The following CBLN2 variants were observed in gnomAD, a reference collection of about 807,000 sequenced individuals.
The protein encoded by CBLN2 is cerebellin-2.
Under a neutral mutation model 15.0 loss-of-function variants are expected in CBLN2, and 7 were observed. The observed-to-expected ratio is 0.47, with a 90% CI of 0.27 to 0.88. The LOEUF is 0.88. CBLN2 is among the 40% of genes least tolerant of loss of function. The pLI, the probability that CBLN2 is intolerant of heterozygous loss-of-function variation, is 0.14. For missense variants in CBLN2, 242 were observed against 304.5 expected (o/e 0.79, Z 1.53); for synonymous variants, 149 against 135.2 (o/e 1.10, Z -0.71).
intron 1 of CBLN2, among the ~76,000 whole-genome samples, chr18:72,561,498 T>C (rs1022334383): frequency 1.3e-5 from 2 of 152,172 alleles, no homozygotes; most frequent in Non-Finnish European, 2.9e-5. Context: ...TCCCCTCCAA[T>C]TGAATATAGC....
chr18:72,596,316 T>C (rs1208059245), intron 1 of CBLN2, among the ~76,000 whole-genome samples: 4 of 152,164 alleles, frequency 2.6e-5, no homozygotes, highest in Admixed American at 2.6e-4. Context: ...AAAAAATTAA[T>C]AAAAACATCA....
chr18:72,594,873 G>A (rs771358450), intron 1 of CBLN2, among the ~76,000 whole-genome samples: 17 of 151,876 alleles, frequency 1.1e-4, no homozygotes, highest in Non-Finnish European at 2.1e-4. Flanking sequence ...CAGTTGTAAT[G>A]TCTCCTTTAT....
chr18:72,597,589 G>A (rs1169066893), intron 1 of CBLN2, among the ~76,000 whole-genome samples: 1 of 152,190 alleles, frequency 6.6e-6, no homozygotes, highest in African/African-American at 2.4e-5. Flanking sequence ...ATAATCAGCA[G>A]GTGGTGAATC....
chr18:72,603,708 G>A (rs1251663446), intron 1 of CBLN2, among the ~76,000 whole-genome samples: 1 of 152,100 alleles, frequency 6.6e-6, no homozygotes, highest in Admixed American at 6.5e-5. Context: ...AATGTTTAAG[G>A]AGCTCAACGT....
intron 1 of CBLN2, among the ~76,000 whole-genome samples, chr18:72,629,093 C>T (rs1361707030): frequency 6.6e-6 from 1 of 152,116 alleles, no homozygotes; most frequent in Non-Finnish European, 1.5e-5. Context: ...CTGTTCCAGT[C>T]CCAGACAAAG....
rs73478206 is a variant in CBLN2, at chr18:72,538,203, G to A, written c.648C>T (p.Phe216=). The A allele has an allele frequency of 3.7e-4, 604 of 1,614,106 alleles. 2 individuals are homozygous for A. In the African/African-American group the frequency reaches 7.2e-3, roughly 19 times the overall value. The change falls in exon 5 of 5, where the codon TTC becomes TTT. Residue 216 remains phenylalanine (F), a synonymous_variant. Transcript: ENST00000269503. ...NLMGGWKYST[F]SGFLVFPL is the part of the protein sequence containing the mutation. ...ATAGAGGAAACACCAAGAAGCCCGA[G>A]AATGTGGAGTATTTCCAGCCCCCCA...
chr18:72,616,909 G>T (rs2069666371), intron 1 of CBLN2, among the ~76,000 whole-genome samples: 1 of 152,012 alleles, frequency 6.6e-6, no homozygotes, highest in South Asian at 2.1e-4. Context: ...ATCTCTTATG[G>T]TATGTATGCA....
chr18:72,585,143 C>G (rs565619034), intron 1 of CBLN2, among the ~76,000 whole-genome samples: 52 of 152,338 alleles, frequency 3.4e-4, no homozygotes, highest in African/African-American at 1.2e-3. Flanking sequence ...AGCCCTGGCT[C>G]ACAGAGCTCC....
At chr18:72,626,646 G>A (rs1380672809) in intron 1 of CBLN2, among the ~76,000 whole-genome samples, 1 of 152,114 alleles carries the variant, frequency 6.6e-6, no homozygotes, top group African/African-American at 2.4e-5. Context: ...GTAGCAGTGA[G>A]CCAAGATTGC....
At position 72,562,529 on chromosome 18, in the gene CBLN2, A is replaced by T. The variant is rs148562478; in HGVS notation, c.16-23757T>A. Among the ~76,000 whole-genome samples the T allele has an allele frequency of 7.4e-3, 1,122 of 152,332 alleles. 50 individuals are homozygous for T. The highest frequency in any genetic ancestry group is 0.067 in the Admixed American group (1,028 of 15,292). On this transcript the variant is annotated intron_variant, in intron 1 of 2. Coordinates refer to the CBLN2 transcript ENST00000581073. ...TTTGTCGTACTAAAGTGATAGGAAC[A>T]CATTTGACCTAATTTGACTGATGTG...
intron 1 of CBLN2, among the ~76,000 whole-genome samples, chr18:72,558,811 T>TG (rs1209314679): frequency 2.4e-4 from 36 of 152,262 alleles, no homozygotes; most frequent in African/African-American, 8.2e-4. Context: ...TCCCAGCACT[T>TG]TGGAAGGATG....
chr18:72,555,777 G>A lies in CBLN2; in HGVS notation c.16-17005C>T, dbSNP rs550517808. Among the ~76,000 whole-genome samples, 17 of 152,168 alleles carry A rather than the reference G, an allele frequency of 1.1e-4. No individual in the cohort carries two copies. In the South Asian group the frequency reaches 1.2e-3, roughly 11 times the overall value. On this transcript the variant is annotated intron_variant, in intron 1 of 2. Transcript: ENST00000581073. ...ATAACCATGTTATCTAAAATTCAAC[G>A]AACACCTACTATGAGCTCAGCACTT...
At chr18:72,553,697 C>T (rs1309891630) in intron 1 of CBLN2, among the ~76,000 whole-genome samples, 2 of 152,018 alleles carry the variant, frequency 1.3e-5, no homozygotes, top group East Asian at 1.9e-4. Context: ...GCAATCTAAC[C>T]GTAGGAAATT....
At chr18:72,632,129 C>T (rs1240754569) in intron 1 of CBLN2, among the ~76,000 whole-genome samples, 2 of 151,888 alleles carry the variant, frequency 1.3e-5, no homozygotes, top group East Asian at 3.9e-4. Context: ...CAAAAACAAT[C>T]ATAATTTACT....
At chr18:72,628,847 G>T (rs1009673609) in intron 1 of CBLN2, among the ~76,000 whole-genome samples, 17 of 152,154 alleles carry the variant, frequency 1.1e-4, no homozygotes, top group African/African-American at 3.9e-4. Context: ...ATAAGCCGTT[G>T]CTGTTTTTCT....
intron 1 of CBLN2, among the ~76,000 whole-genome samples, chr18:72,630,564 CAGAGAGAGAGAG>C (rs368831135): frequency 2.2e-5 from 3 of 135,522 alleles, no homozygotes; most frequent in Non-Finnish European, 3.1e-5. Flanking sequence ...CACACACATG[CAGAGAGAGAGAG>C]AGAGAGAGAG....
At chr18:72,549,938 C>A (rs1423121471) in intron 1 of CBLN2, among the ~76,000 whole-genome samples, 1 of 152,102 alleles carries the variant, frequency 6.6e-6, no homozygotes, top group East Asian at 1.9e-4. Flanking sequence ...GCTCCTGGGT[C>A]AAAGGTATTG....
At chr18:72,544,939 C>A (rs563987832), upstream of CBLN2, among the ~76,000 whole-genome samples, 13 of 150,804 alleles carry the variant, frequency 8.6e-5, no homozygotes, top group South Asian at 2.7e-3. Flanking sequence ...AATACTTTGT[C>A]CTTTGACATG....
chr18:72,588,357 T>C (rs926903345), intron 1 of CBLN2, among the ~76,000 whole-genome samples: 11 of 152,224 alleles, frequency 7.2e-5, no homozygotes, highest in Admixed American at 5.9e-4. Context: ...AATATACATC[T>C]TCTCTTTTTC....
Sources: gnomAD v4.1 joint callset for allele counts (sites outside exome capture counted in the v4.1 genomes callset) on GRCh38, gnomAD v4.1.1 for gene constraint, MANE v1.5 for transcripts, NCBI Gene and HGNC (gene_info 2026-07-23, HGNC 2026-07-21) for gene names.